The following OR3A3 variants were observed in gnomAD, a reference collection of about 807,000 sequenced individuals.
The protein encoded by OR3A3 is olfactory receptor family 3 subfamily A member 3.
For missense variants in OR3A3, 275 were observed against 391.4 expected (o/e 0.70, Z 2.51); for synonymous variants, 103 against 163.9 (o/e 0.63, Z 2.84).
chr17:3,412,330 T>C (rs1326689107), intron 2 of OR3A3, among the ~76,000 whole-genome samples, 159 bp downstream of exon 2: 2 of 148,492 alleles, frequency 1.3e-5, no homozygotes, highest in South Asian at 4.4e-4. Flanking sequence ...GGTTCTTTTG[T>C]GGTTTTCCCC....
chr17:3,415,804 T>A (rs199541348), intron 2 of OR3A3, among the ~76,000 whole-genome samples: 2,765 of 20,968 alleles, frequency 0.13, 49 homozygotes, highest in African/African-American at 0.17. Context: ...TTTAAATTAT[T>A]ATTATTATTA....
chr17:3,420,620 T>C (rs2072425157), exon 3 of OR3A3: 9 of 1,518,936 alleles, frequency 5.9e-6, no homozygotes, highest in Non-Finnish European at 7.9e-6. Flanking sequence ...AGGACCGCTG[T>C]TGCTGAGTTC....
intron 2 of OR3A3, among the ~76,000 whole-genome samples, chr17:3,415,193 G>A (rs2072383087): frequency 6.6e-6 from 1 of 151,742 alleles, no homozygotes; most frequent in Non-Finnish European, 1.5e-5. Context: ...GTATATATAA[G>A]AAAACAACAT....
At position 3,420,459 on chromosome 17, in the gene OR3A3, G is replaced by T. The variant is rs373098336; in HGVS notation, c.-6-121G>T. 18 of 1,496,230 alleles carry T rather than the reference G, an allele frequency of 1.2e-5. No homozygotes were observed. In the East Asian group the frequency reaches 2.0e-4, roughly 17 times the overall value. 92.7% of individuals were successfully genotyped at this position (1,496,230 alleles called of 1,614,324 possible). ...ACCAAGAGCAAGGTAAAGGCATTGA[G>T]GTGTTGGAGGAGTGAGGGATGGCCT... On this transcript the variant is annotated intron_variant, in intron 2 of 2. Coordinates refer to ENST00000641141, the Ensembl canonical transcript of OR3A3.
chr17:3,423,747 A>G (rs1321365168), exon 3 of OR3A3: 2 of 152,152 alleles, frequency 1.3e-5, no homozygotes, highest in Non-Finnish European at 2.9e-5. Flanking sequence ...ATGCTGGCCA[A>G]CATGGTGAAA....
chr17:3,421,358 G>T (rs2072433573), exon 3 of OR3A3: 3 of 1,614,190 alleles, frequency 1.9e-6, no homozygotes, highest in Non-Finnish European at 1.7e-6. Context: ...TATGGGACAG[G>T]TGTCTTCAGC....
At chr17:3,416,672 G>A (rs1432677118) in intron 2 of OR3A3, among the ~76,000 whole-genome samples, 2 of 151,926 alleles carry the variant, frequency 1.3e-5, no homozygotes, top group Non-Finnish European at 1.5e-5. Flanking sequence ...ATAACTTGGA[G>A]TTCAGAAAAA....
At chr17:3,420,511 T>A in intron 2 of OR3A3, 69 bp from the exon 3 acceptor site, 1 of 1,568,150 alleles carries the variant, frequency 6.4e-7, no homozygotes, top group Non-Finnish European at 8.6e-7. Context: ...GCTTTGAACA[T>A]AAATGGTTTA....
At chr17:3,420,487 G>A (rs2072423803) in intron 2 of OR3A3, 93 bp from the exon 3 acceptor site, 2 of 1,547,468 alleles carry the variant, frequency 1.3e-6, no homozygotes, top group African/African-American at 1.4e-5. Context: ...GATGGCCTGG[G>A]GACTCGCCAC....
rs1348656085 is a variant in OR3A3 at position 3,420,178 on chromosome 17, A to G, written c.-6-402A>G. ...CCACATGAAGTTACGAGATACACGTAGACAGTAAAATGATTAGTATAGTGA... is the reference window on the plus strand; with the variant it reads ...CCACATGAAGTTACGAGATACACGTGGACAGTAAAATGATTAGTATAGTGA... On this transcript the variant is annotated intron_variant, in intron 2 of 2. Coordinates refer to ENST00000641141, the Ensembl canonical transcript of OR3A3. Among the ~76,000 whole-genome samples, 4 of 152,188 alleles carry G rather than the reference A, an allele frequency of 2.6e-5. No individual in the cohort carries two copies. The South Asian group carries it at 8.3e-4, about 32-fold the overall frequency.
intron 2 of OR3A3, among the ~76,000 whole-genome samples, chr17:3,413,377 A>G (rs1169880442): frequency 2.0e-5 from 3 of 152,256 alleles, no homozygotes; most frequent in African/African-American, 7.2e-5. Flanking sequence ...TCGCAAAAAT[A>G]TCTTCTTCAA....
chr17:3,421,280 G>T (rs139486740), exon 3 of OR3A3: 1 of 1,614,144 alleles, frequency 6.2e-7, no homozygotes. Context: ...CTGCAAATCC[G>T]CTCTGCTGAG....
At chr17:3,419,954 A>T (rs1333324274) in intron 2 of OR3A3, among the ~76,000 whole-genome samples, 1 of 151,948 alleles carries the variant, frequency 6.6e-6, no homozygotes, top group African/African-American at 2.4e-5. Flanking sequence ...TTTTTAGTAG[A>T]GACGGGGTTT....
intron 2 of OR3A3, among the ~76,000 whole-genome samples, chr17:3,414,340 G>C (rs752064413): frequency 2.6e-5 from 4 of 152,152 alleles, no homozygotes; most frequent in Non-Finnish European, 5.9e-5. Flanking sequence ...CACAGTGCTG[G>C]GATGACAGGC....
chr17:3,421,765 T>G, exon 3 of OR3A3: 1 of 447,144 alleles, frequency 2.2e-6, no homozygotes, highest in Non-Finnish European at 3.8e-6. Flanking sequence ...GTGAGCAAAA[T>G]GGACAAAAGT....
chr17:3,416,733 G>A (rs114300832), intron 2 of OR3A3, among the ~76,000 whole-genome samples: 2,434 of 152,146 alleles, frequency 0.016, 76 homozygotes, highest in African/African-American at 0.057. Flanking sequence ...TATTTAGGGA[G>A]TACACTGTGA....
exon 3 of OR3A3, chr17:3,421,107 C>A (rs768253885): frequency 2.0e-5 from 32 of 1,614,046 alleles, no homozygotes; most frequent in Non-Finnish European, 2.6e-5. Flanking sequence ...TCTGTGGCCC[C>A]AATGAGGTCA....
At chr17:3,420,477 G>C (rs1597376366) in intron 2 of OR3A3, 103 bp from the exon 3 acceptor site, 3 of 1,535,924 alleles carry the variant, frequency 2.0e-6, no homozygotes, top group Non-Finnish European at 2.6e-6. Flanking sequence ...AGGAGTGAGG[G>C]ATGGCCTGGG....
At chr17:3,419,112 A>G (rs182118909) in intron 2 of OR3A3, among the ~76,000 whole-genome samples, 2 of 152,346 alleles carry the variant, frequency 1.3e-5, no homozygotes, top group Admixed American at 1.3e-4. Flanking sequence ...TTGTTAGTCA[A>G]AGTCCAGTGT....
Sources: gnomAD v4.1 joint callset for allele counts (sites outside exome capture counted in the v4.1 genomes callset) on GRCh38, gnomAD v4.1.1 for gene constraint, MANE v1.5 for transcripts, NCBI Gene and HGNC (gene_info 2026-07-23, HGNC 2026-07-21) for gene names.